REG1B: variants seen among roughly 807,000 people sequenced by gnomAD.
REG1B encodes the protein regenerating family member 1 beta.
In REG1B, 21 loss-of-function variants were observed where a neutral mutation model predicts 20.4. The observed-to-expected ratio is 1.03, with a 90% confidence interval of 0.73 to 1.48. REG1B has a LOEUF of 1.48. Among genes scored for constraint, REG1B ranks in the 40% most tolerant of loss-of-function variants. REG1B has a pLI of 0.00. For missense variants in REG1B, 247 were observed against 197.2 expected, an observed-to-expected ratio of 1.25 and a Z score of -1.51; for synonymous variants, 82 against 73.4, an observed-to-expected ratio of 1.12 and a Z score of -0.60.
intron 1 of REG1B, 149 bp from the exon 2 acceptor site, chr2:79,087,807 A>T (rs1672422382): frequency 4.1e-6 from 2 of 493,374 alleles, no homozygotes; most frequent in Admixed American, 3.7e-5. Flanking sequence ...TTTGGGGATA[A>T]CAGAGGCCAA....
chr2:79,086,512 A>G lies in REG1B; in HGVS notation c.184-8T>C. On this transcript the variant is annotated splice_region_variant and splice_polypyrimidine_tract_variant and intron_variant, in intron 3 of 5. Transcript: ENST00000305089. Reference sequence around the variant, plus strand: ...CATGTTCTGGCAATAGAGCTGTTGGAGAAGAAAATGGAGCACTCAGTGGAG... The same window carrying G: ...CATGTTCTGGCAATAGAGCTGTTGGGGAAGAAAATGGAGCACTCAGTGGAG... The G allele has an allele frequency of 6.2e-7, 1 of 1,613,184 alleles. No homozygotes were observed. Among genetic ancestry groups the G allele is most frequent in the Non-Finnish European group, 8.5e-7 (1 of 1,179,884 alleles).
chr2:79,086,399 T>C lies in REG1B; in HGVS notation c.289A>G (p.Asn97Asp). ...LIKESSTDDS[N>D]VWIGLHDPKK... ...GGGTCATGGAGGCCAATCCAGACAT[T>C]GCTGTCATCAGTGCTACTCTCCTTA... The change falls in exon 4 of 6, where the codon AAT (asparagine) becomes GAT (aspartate). Residue 97 changes from asparagine (N) to aspartate (D), a missense_variant. Coordinates refer to ENST00000305089, the MANE Select transcript of REG1B (RefSeq NM_006507.4). 3.1e-6 allele frequency: 5 copies of C among 1,614,082 alleles called. No individual in the cohort carries two copies. The highest frequency in any genetic ancestry group is 4.2e-6 in the Non-Finnish European group (5 of 1,179,982).
chr2:79,085,432 C>T, intron 5 of REG1B, 60 bp downstream of exon 5: 1 of 1,434,296 alleles, frequency 7.0e-7, no homozygotes, highest in Non-Finnish European at 9.8e-7. Context: ...TCCCCATGTT[C>T]ATCCCCAGAG....
At position 79,087,600 on chromosome 2, in the gene REG1B, T is replaced by A. The variant is rs772255795; in HGVS notation, c.13A>T (p.Asn5Tyr). 18 of 1,612,284 alleles carry A rather than the reference T, an allele frequency of 1.1e-5. No homozygotes were observed. Among genetic ancestry groups the A allele is most frequent in the Non-Finnish European group, 1.4e-5 (16 of 1,178,536 alleles). The change falls in exon 2 of 6, where the codon AAC becomes TAC. Residue 5 changes from asparagine (N) to tyrosine (Y), a missense_variant. Physicochemically the swap from Asn to Tyr is moderately radical, Grantham distance 143. Transcript: ENST00000305089. MAQT[N>Y]SFFMLISSLM... is the part of the protein sequence containing the mutation. Reference sequence around the variant, plus strand: ...GAGGAGATCAGCATGAAGAACGAGTTGGTCTGAGCCATGCTTAGCGGCAGT... The same window carrying A: ...GAGGAGATCAGCATGAAGAACGAGTAGGTCTGAGCCATGCTTAGCGGCAGT...
rs962492377 is a variant in REG1B, at chr2:79,087,021, T to C, written c.65-91A>G. 8 of 987,780 alleles carry C rather than the reference T, an allele frequency of 8.1e-6. No homozygotes were observed. In the South Asian group the frequency reaches 9.2e-5, roughly 11 times the overall value. 61.2% of individuals were successfully genotyped at this position (987,780 alleles called of 1,614,324 possible). On this transcript the variant is annotated intron_variant, in intron 2 of 5. Coordinates refer to ENST00000305089, the MANE Select transcript of REG1B (RefSeq NM_006507.4). Reference sequence around the variant, plus strand: ...ATTAGGGGCTTCTTGGTGTCCTTTATAAGAACATATGGATACAGTGAATAC... The same window carrying C: ...ATTAGGGGCTTCTTGGTGTCCTTTACAAGAACATATGGATACAGTGAATAC...
intron 2 of REG1B, chr2:79,087,147 A>G: frequency 1.8e-6 from 1 of 567,428 alleles, no homozygotes; most frequent in Non-Finnish European, 3.1e-6. Context: ...TAAATAAATG[A>G]GTCCTCGTTT....
Position 79,085,210 on chromosome 2 carries a change from C to T in REG1B, c.*6G>A. ...CCAGTTCTAGACATCCATTTTTCAG[C>T]TTCCTCTAGTTTTTGAACTTGCAAA... On this transcript the variant is annotated 3_prime_UTR_variant, in exon 6 of 6. Coordinates refer to ENST00000305089, the MANE Select transcript of REG1B (RefSeq NM_006507.4). 1 of 1,608,944 alleles carries T rather than the reference C, an allele frequency of 6.2e-7. No individual in the cohort carries two copies. The highest frequency in any genetic ancestry group is 1.1e-5 in the South Asian group (1 of 90,966).
chr2:79,086,973 G>A lies in REG1B; in HGVS notation c.65-43C>T, dbSNP rs374698692. The A allele has an allele frequency of 7.8e-4, 1,171 of 1,509,068 alleles. 3 individuals carry two copies. Among genetic ancestry groups the A allele is most frequent in the Non-Finnish European group, 9.9e-4 (1,073 of 1,084,730 alleles). 93.5% of individuals were successfully genotyped at this position (1,509,068 alleles called of 1,614,324 possible). On this transcript the variant is annotated intron_variant, in intron 2 of 5. Transcript: ENST00000305089. ...GAGATAATTAAGAAAGAATCGCAGG[G>A]CAAGGAAAAGGCTGGAAGGTGAATT...
rs34303807 is a variant in REG1B at position 79,086,946 on chromosome 2, A to G, written c.65-16T>C. ...GACTCCTGGCCTGGGGAAAAAAAAA[A>G]GGAGATAATTAAGAAAGAATCGCAG... On this transcript the variant is annotated splice_polypyrimidine_tract_variant and intron_variant, in intron 2 of 5. Coordinates refer to ENST00000305089, the MANE Select transcript of REG1B (RefSeq NM_006507.4). The G allele has an allele frequency of 0.01, 16,427 of 1,596,260 alleles. 1,348 individuals are homozygous for G. The Admixed American group carries it at 0.18, about 17-fold the overall frequency.
At chr2:79,085,918 C>A in intron 4 of REG1B, 1 of 269,464 alleles carries the variant, frequency 3.7e-6, no homozygotes, top group Non-Finnish European at 7.1e-6. Flanking sequence ...ATAACATTGG[C>A]TGTAGAGTAG....
In REG1B at chr2:79,085,245, ACTT is replaced by A. The variant is rs1287882719; in HGVS notation, c.469_471del (p.Lys157del). The A allele has an allele frequency of 1.2e-6, 2 of 1,613,464 alleles. No homozygotes were observed. The highest frequency in any genetic ancestry group is 1.3e-5 in the African/African-American group (1 of 75,020). ...TTTTTGAACTTGCAAACAAAGGAGA[ACTT>A]CTTCTCACAAGATTCATCCTTCCAT... On this transcript the variant is annotated inframe_deletion, in exon 6 of 6. Transcript: ENST00000305089.
chr2:79,087,704 A>G, intron 1 of REG1B, 46 bp from the exon 2 acceptor site: 1 of 1,231,910 alleles, frequency 8.1e-7, no homozygotes, highest in Non-Finnish European at 1.1e-6. Flanking sequence ...AGAGCAGAGC[A>G]CCTGTTATCT....
chr2:79,087,708 G>T (rs551549052), intron 1 of REG1B, 50 bp from the exon 2 acceptor site: 68 of 1,187,738 alleles, frequency 5.7e-5, no homozygotes, highest in Non-Finnish European at 7.4e-5. Flanking sequence ...CAGAGCACCT[G>T]TTATCTTTCT....
intron 3 of REG1B, 111 bp from the exon 4 acceptor site, chr2:79,086,615 A>G: frequency 4.2e-6 from 6 of 1,418,636 alleles, no homozygotes; most frequent in Non-Finnish European, 4.9e-6. Flanking sequence ...GTCCCTGATG[A>G]TGCTGTCACT....
intron 3 of REG1B, 100 bp downstream of exon 3, chr2:79,086,712 G>A: frequency 1.5e-6 from 2 of 1,333,604 alleles, no homozygotes; most frequent in Non-Finnish European, 2.2e-6. Flanking sequence ...GAATAGGGAA[G>A]GGATCAATCT....
chr2:79,087,847 A>G, intron 1 of REG1B, 112 bp downstream of exon 1: 1 of 440,614 alleles, frequency 2.3e-6, no homozygotes, highest in South Asian at 5.0e-5. Flanking sequence ...GGTCTTGCTT[A>G]AGTTTCATTA....
At chr2:79,087,129 G>T in intron 2 of REG1B, 199 bp from the exon 3 acceptor site, 1 of 587,280 alleles carries the variant, frequency 1.7e-6, no homozygotes, top group Non-Finnish European at 3.0e-6. Context: ...AGCTCACAAT[G>T]AATAGGCTAA....
intron 4 of REG1B, chr2:79,086,084 A>C: frequency 2.4e-6 from 1 of 414,540 alleles, no homozygotes; most frequent in Non-Finnish European, 4.4e-6. Flanking sequence ...CAAGACAGAC[A>C]ATAGCAAAAT....
chr2:79,086,296 T>A, intron 4 of REG1B, 71 bp downstream of exon 4: 1 of 1,517,098 alleles, frequency 6.6e-7, no homozygotes, highest in African/African-American at 1.4e-5. Context: ...GTGATTGCGG[T>A]GCCAGACCTT....
Sources: gnomAD v4.1 joint callset for allele counts on GRCh38, gnomAD v4.1.1 for gene constraint, MANE v1.5 for transcripts, NCBI Gene and HGNC (gene_info 2026-07-23, HGNC 2026-07-21) for gene names.